Variants in FNDC3B observed in about 807,000 individuals in gnomAD.
The protein encoded by FNDC3B is fibronectin type III domain-containing protein 3B.
In FNDC3B, 12 loss-of-function variants were observed where a neutral mutation model predicts 151.5. That is an observed-to-expected ratio of 0.08 (90% confidence interval 0.05 to 0.13). FNDC3B has a LOEUF of 0.13. FNDC3B is among the 10% of genes least tolerant of loss of function. The pLI is 1.00. For missense variants in FNDC3B, 1,214 were observed against 1,505.3 expected (o/e 0.81, Z 3.20); for synonymous variants, 528 against 549.0 (o/e 0.96, Z 0.54).
chr3:172,368,843 T>C (rs1368490495), intron 23 of FNDC3B, among the ~76,000 whole-genome samples: 2 of 152,160 alleles, frequency 1.3e-5, no homozygotes, highest in African/African-American at 4.8e-5. Flanking sequence ...AAAACCCGTC[T>C]CTACTAAAAA....
At chr3:172,254,728 C>T (rs1576843168) in intron 6 of FNDC3B, among the ~76,000 whole-genome samples, 1 of 152,170 alleles carries the variant, frequency 6.6e-6, no homozygotes, top group Non-Finnish European at 1.5e-5. Context: ...ACAGGCATGA[C>T]AGAGGCCCAT....
chr3:172,091,940 A>G (rs1718858001), intron 1 of FNDC3B, among the ~76,000 whole-genome samples: 1 of 133,672 alleles, frequency 7.5e-6, no homozygotes, highest in South Asian at 2.3e-4. Flanking sequence ...GGAGTGCTGT[A>G]ACAGATGGCT....
At chr3:172,085,116 G>A (rs143264283) in intron 1 of FNDC3B, among the ~76,000 whole-genome samples, 323 of 152,262 alleles carry the variant, frequency 2.1e-3, no homozygotes, top group Non-Finnish European at 3.7e-3. Context: ...TCAGCTTTGA[G>A]CAAGTGGTGG....
chr3:172,371,773 G>A (rs1321738392), intron 23 of FNDC3B, among the ~76,000 whole-genome samples: 1 of 152,160 alleles, frequency 6.6e-6, no homozygotes, highest in African/African-American at 2.4e-5. Context: ...GGTGATCTTG[G>A]TCACATGCCC....
At chr3:172,157,547 A>G (rs549037134) in intron 3 of FNDC3B, among the ~76,000 whole-genome samples, 184 of 151,970 alleles carry the variant, frequency 1.2e-3, no homozygotes, top group Non-Finnish European at 2.0e-3. Context: ...CATTATAGCC[A>G]CTCCCCTTTC....
chr3:172,342,928 TG>T (rs757368724), intron 17 of FNDC3B, 82 bp from the exon 18 acceptor site: 45 of 795,612 alleles, frequency 5.7e-5, no homozygotes, highest in Non-Finnish European at 1.0e-4. Context: ...TTTGCAGTTA[TG>T]GGGTGGAATT....
At chr3:172,346,265 A>T in intron 19 of FNDC3B, 62 bp from the exon 20 acceptor site, 1 of 911,294 alleles carries the variant, frequency 1.1e-6, no homozygotes, top group South Asian at 1.6e-5. Flanking sequence ...TTGTATGCAC[A>T]CACATTCACA....
At chr3:172,216,819 G>A (rs569174894) in intron 3 of FNDC3B, among the ~76,000 whole-genome samples, 10 of 152,308 alleles carry the variant, frequency 6.6e-5, no homozygotes, top group South Asian at 2.1e-4. Context: ...CAGCTTCACC[G>A]TCACTCTGGA....
rs78993768 is a variant in FNDC3B, at chr3:172,110,071, G to A, written c.-28-2381G>A. On this transcript the variant is annotated intron_variant, in intron 1 of 25. Transcript: ENST00000415807. ...CCTGTGCTTAAGGGTGCTATTTAGC[G>A]GGGTTGGATTGCTATGTCTCATTGA... 2.9e-3 allele frequency among the ~76,000 whole-genome samples: 441 copies of A among 152,272 alleles called. 1 individual carries two copies. The highest frequency in any genetic ancestry group is 1.0e-2 in the African/African-American group (414 of 41,550).
intron 7 of FNDC3B, among the ~76,000 whole-genome samples, chr3:172,293,435 A>G (rs746586613): frequency 7.2e-5 from 11 of 152,230 alleles, no homozygotes; most frequent in Admixed American, 2.0e-4. Flanking sequence ...AGTCTGTGTC[A>G]GAAACTCAGA....
At chr3:172,069,903 G>A (rs537552531) in intron 1 of FNDC3B, among the ~76,000 whole-genome samples, 323 of 152,236 alleles carry the variant, frequency 2.1e-3, no homozygotes, top group African/African-American at 7.4e-3. Context: ...GTTTATTGTA[G>A]CATTCTCACA....
intron 3 of FNDC3B, among the ~76,000 whole-genome samples, chr3:172,144,278 G>A (rs1721789740): frequency 6.6e-6 from 1 of 152,160 alleles, no homozygotes; most frequent in African/African-American, 2.4e-5. Context: ...CCATTCCTGA[G>A]GGACCCATCC....
At chr3:172,342,903 C>T (rs1054045736) in intron 17 of FNDC3B, 108 bp from the exon 18 acceptor site, 1 of 676,108 alleles carries the variant, frequency 1.5e-6, no homozygotes, top group South Asian at 1.6e-5. Context: ...AGTGTGTAAC[C>T]CCTTTTCGGT....
Position 172,247,708 on chromosome 3 carries a change from G to A in FNDC3B, c.440G>A (p.Gly147Glu), listed in dbSNP as rs117562945. ...SHTAYYPPVTGPGDMPPQFFP... is the reference protein window; with the variant it reads ...SHTAYYPPVTEPGDMPPQFFP... ...ACGGCTTACTACCCACCTGTTACCG[G>A]ACCTGGAGATATGCCGCCTCAGTTT... The change falls in exon 5 of 26, where the codon GGA (glycine) becomes GAA (glutamate). Residue 147 changes from glycine (G) to glutamate (E), a missense_variant. By Grantham distance (98) the Gly-to-Glu change is moderately conservative. Coordinates refer to ENST00000415807, the MANE Select transcript of FNDC3B (RefSeq NM_022763.4). 1.2e-6 allele frequency: 2 copies of A among 1,613,958 alleles called. No individual in the cohort carries two copies. The highest frequency in any genetic ancestry group is 2.2e-5 in the East Asian group (1 of 44,876).
At chr3:172,339,259 T>C (rs1576926335) in intron 16 of FNDC3B, among the ~76,000 whole-genome samples, 2 of 152,104 alleles carry the variant, frequency 1.3e-5, no homozygotes, top group Admixed American at 1.3e-4. Flanking sequence ...TCATATTTTG[T>C]GGTTAAAAAC....
At chr3:172,357,175 C>T (rs921925464) in intron 22 of FNDC3B, among the ~76,000 whole-genome samples, 33 of 152,158 alleles carry the variant, frequency 2.2e-4, no homozygotes, top group African/African-American at 7.7e-4. Context: ...TTTGTTTAAT[C>T]AATAATATTA....
intron 1 of FNDC3B, among the ~76,000 whole-genome samples, chr3:172,095,565 C>A (rs1394611773): frequency 6.6e-6 from 1 of 152,188 alleles, no homozygotes; most frequent in Non-Finnish European, 1.5e-5. Context: ...ACCAGATATC[C>A]ATGATCTGTT....
At chr3:172,292,218 G>A (rs1184214227) in intron 7 of FNDC3B, among the ~76,000 whole-genome samples, 1 of 152,148 alleles carries the variant, frequency 6.6e-6, no homozygotes, top group Non-Finnish European at 1.5e-5. Context: ...TCATGATCTG[G>A]GTGTCAGGCT....
At chr3:172,367,153 C>T (rs1402536577) in intron 23 of FNDC3B, among the ~76,000 whole-genome samples, 1 of 152,160 alleles carries the variant, frequency 6.6e-6, no homozygotes, top group Non-Finnish European at 1.5e-5. Context: ...ACTGAAGATT[C>T]CCCATCCACA....
Sources: allele counts gnomAD v4.1 joint callset (sites outside exome capture counted in the v4.1 genomes callset), GRCh38; gene constraint gnomAD v4.1.1; transcripts MANE v1.5; gene names NCBI Gene and HGNC (gene_info 2026-07-23, HGNC 2026-07-21).